EPM2A: variants seen among roughly 807,000 people sequenced by gnomAD.
The protein encoded by EPM2A is EPM2A glucan phosphatase, laforin.
Under a neutral mutation model 26.5 loss-of-function variants are expected in EPM2A, and 21 were observed. That is an observed-to-expected ratio of 0.79 (90% CI 0.56 to 1.14). The LOEUF (loss-of-function observed/expected upper bound fraction) is 1.14. EPM2A is among the 50% of genes most tolerant of loss of function. The probability of loss-of-function intolerance (pLI) is 0.00; values close to 1 mark genes in which losing one functional copy is unlikely to be tolerated. For synonymous variants in EPM2A, 217 were observed against 177.6 expected, an observed-to-expected ratio of 1.22 and a Z score of -1.76; for missense variants, 458 against 440.8, an observed-to-expected ratio of 1.04 and a Z score of -0.35.
At chr6:145,559,674 T>C (rs1308940296) in intron 2 of EPM2A, among the ~76,000 whole-genome samples, 5 of 32,332 alleles carry the variant, frequency 1.5e-4, no homozygotes, top group Admixed American at 1.0e-3. Context: ...ACTTTCTCCT[T>C]TTTTTTTTTT....
chr6:145,626,012 C>T lies in EPM2A; in HGVS notation c.*1404G>A. On this transcript the variant is annotated 3_prime_UTR_variant, in exon 4 of 4. Coordinates refer to ENST00000367519, the MANE Select transcript of EPM2A (RefSeq NM_005670.4). ...TAGACAGTTGAGTTAACCCTTCTGACCTTAGTTTCCCCATCTTTATCATGG... is the reference window on the plus strand; with the variant it reads ...TAGACAGTTGAGTTAACCCTTCTGATCTTAGTTTCCCCATCTTTATCATGG... 1 of 1,119,868 alleles carries T rather than the reference C, an allele frequency of 8.9e-7. No homozygotes were observed. Among genetic ancestry groups the T allele is most frequent in the Non-Finnish European group, 1.2e-6 (1 of 862,976 alleles). The allele number at this position is 1,119,868 out of a possible 1,614,324, so 69.4% of individuals were successfully genotyped here. A position where few individuals can be genotyped will look rare whatever the true frequency, so the allele number is the denominator to read the frequency against.
chr6:145,685,192 T>A (rs1780819244), intron 2 of EPM2A, among the ~76,000 whole-genome samples: 2 of 152,214 alleles, frequency 1.3e-5, no homozygotes, highest in Non-Finnish European at 2.9e-5. Context: ...TAATGTAAAT[T>A]CTATAAGCCT....
chr6:145,440,216 CAGG>C (rs976863807), intron 4 of EPM2A, among the ~76,000 whole-genome samples: 137 of 152,272 alleles, frequency 9.0e-4, no homozygotes, highest in African/African-American at 3.2e-3. Context: ...TGGTGGCAGA[CAGG>C]AGAAGAGAGA....
At chr6:145,690,399 A>G (rs1217966583) in intron 1 of EPM2A, among the ~76,000 whole-genome samples, 3 of 151,100 alleles carry the variant, frequency 2.0e-5, no homozygotes, top group African/African-American at 7.3e-5. Flanking sequence ...AGTCCCAGCT[A>G]CTCGGGAGGC....
chr6:145,485,859 T>G (rs1779664369), intron 4 of EPM2A, among the ~76,000 whole-genome samples: 1 of 152,134 alleles, frequency 6.6e-6, no homozygotes, highest in Non-Finnish European at 1.5e-5. Context: ...CAAGACAGAA[T>G]GAGAACCAAG....
At chr6:145,675,561 C>G (rs1779971863) in intron 2 of EPM2A, among the ~76,000 whole-genome samples, 1 of 152,110 alleles carries the variant, frequency 6.6e-6, no homozygotes, top group Non-Finnish European at 1.5e-5. Flanking sequence ...CAGAGATACA[C>G]ATAGGCTCAA....
At chr6:145,412,080 G>A (rs568489194) in intron 4 of EPM2A, among the ~76,000 whole-genome samples, 2 of 152,014 alleles carry the variant, frequency 1.3e-5, no homozygotes, top group South Asian at 2.1e-4. Context: ...GGCCGGGTGC[G>A]GTGGCAGACA....
chr6:145,571,812 T>A (rs1032810941), intron 2 of EPM2A, among the ~76,000 whole-genome samples: 5 of 152,164 alleles, frequency 3.3e-5, no homozygotes, highest in African/African-American at 1.2e-4. Flanking sequence ...ATGACAGGGG[T>A]GGCTGGAGAA....
chr6:145,678,043 A>G (rs1313050495), intron 2 of EPM2A, among the ~76,000 whole-genome samples: 2 of 152,230 alleles, frequency 1.3e-5, no homozygotes, highest in African/African-American at 2.4e-5. Context: ...ACAAGGCTAC[A>G]GTAACCAAAA....
chr6:145,599,382 G>GT (rs919286425), intron 2 of EPM2A, among the ~76,000 whole-genome samples: 11 of 151,534 alleles, frequency 7.3e-5, no homozygotes, highest in African/African-American at 1.9e-4. Context: ...ATACTCTAAA[G>GT]TTTTTTTTCT....
Position 145,427,700 on chromosome 6 carries a change from G to A in EPM2A, c.556-43603C>T, listed in dbSNP as rs370479692. Among the ~76,000 whole-genome samples, 11 of 152,144 alleles carry A rather than the reference G, an allele frequency of 7.2e-5. No individual in the cohort carries two copies. In the South Asian group the frequency reaches 2.3e-3, roughly 32 times the overall value. On this transcript the variant is annotated intron_variant, in intron 4 of 4. Transcript: ENST00000638717. ...TTAGCACAAGAAAAAAATGATGATG[G>A]CCCTTACTACTGTCTTCTCATCAGA...
chr6:145,679,206 C>T (rs1383347810), intron 2 of EPM2A, among the ~76,000 whole-genome samples: 2 of 132,228 alleles, frequency 1.5e-5, no homozygotes, highest in African/African-American at 2.9e-5. Flanking sequence ...GGGAATTGCA[C>T]AATGAGAACA....
rs534682171 is a variant in EPM2A, at chr6:145,438,752, G to A, written c.556-54655C>T. Among the ~76,000 whole-genome samples the A allele has an allele frequency of 7.9e-5, 12 of 152,232 alleles. No homozygotes were observed. In the South Asian group the frequency reaches 8.3e-4, roughly 11 times the overall value. ...CTCCCAAAGTGCTGGGATTACAGGC[G>A]TGAGCCATTGCACTCGGCCAAGGAT... On this transcript the variant is annotated intron_variant, in intron 4 of 4. Transcript: ENST00000638717.
chr6:145,589,023 G>A lies in EPM2A; in HGVS notation c.340+46222C>T, dbSNP rs566265107. On this transcript the variant is annotated intron_variant, in intron 2 of 3. Transcript: ENST00000450221. Reference sequence around the variant, plus strand: ...AGGAAAAGTGGAAAATAAAGGAACTGATAACTAGGAAAAGGCCCTGCCCCA... The same window carrying A: ...AGGAAAAGTGGAAAATAAAGGAACTAATAACTAGGAAAAGGCCCTGCCCCA... 1.2e-3 allele frequency among the ~76,000 whole-genome samples: 189 copies of A among 152,292 alleles called. 1 individual carries two copies. Among genetic ancestry groups the A allele is most frequent in the African/African-American group, 4.2e-3 (176 of 41,570 alleles).
At position 145,452,672 on chromosome 6, in the gene EPM2A, G is replaced by C. The variant is rs574779386; in HGVS notation, c.555+49850C>G. Among the ~76,000 whole-genome samples, 517 of 95,206 alleles carry C rather than the reference G, an allele frequency of 5.4e-3. 3 individuals carry two copies. Among genetic ancestry groups the C allele is most frequent in the Middle Eastern group, 0.011 (2 of 188 alleles). The allele number at this position is 95,206 out of a possible 152,430, so 62.5% of individuals were successfully genotyped here. ...CCACTGCACTCCCGCCTGGGCAACA[G>C]AGCAAGACTCTGTCTCAAAAAAAAA... On this transcript the variant is annotated intron_variant, in intron 4 of 4. Coordinates refer to the EPM2A transcript ENST00000638717.
intron 2 of EPM2A, among the ~76,000 whole-genome samples, chr6:145,663,853 C>G (rs1778941758): frequency 1.1e-5 from 1 of 89,914 alleles, no homozygotes; most frequent in Non-Finnish European, 2.2e-5. Flanking sequence ...GAGTGGGGGC[C>G]AACATTCAAC....
At chr6:145,512,943 G>C (rs1780076195) in intron 2 of EPM2A, among the ~76,000 whole-genome samples, 1 of 151,760 alleles carries the variant, frequency 6.6e-6, no homozygotes, top group Admixed American at 6.6e-5. Context: ...CTAAACATAA[G>C]ACCTGAAACT....
At position 145,735,101 on chromosome 6, in the gene EPM2A, CCGGGGCCTG is replaced by C. The variant is rs560099488; in HGVS notation, c.301+88_301+96del. 3.8e-3 allele frequency: 3,267 copies of C among 851,360 alleles called. 73 individuals are homozygous for C. The East Asian group carries it at 0.062, about 16-fold the overall frequency. The allele number at this position is 851,360 out of a possible 1,614,324, so 52.7% of individuals were successfully genotyped here. On this transcript the variant is annotated intron_variant, in intron 1 of 3. Transcript: ENST00000367519. Reference sequence around the variant, plus strand: ...GGCAAAAAGCCCGGGACGCGCGCCGCCGGGGCCTGCGGGGCCTGCCCGAGGCCGAGGCCC... The same window carrying C: ...GGCAAAAAGCCCGGGACGCGCGCCGCCGGGGCCTGCCCGAGGCCGAGGCCC...
At chr6:145,709,474 C>T (rs1290200013) in intron 1 of EPM2A, among the ~76,000 whole-genome samples, 1 of 152,178 alleles carries the variant, frequency 6.6e-6, no homozygotes, top group African/African-American at 2.4e-5. Flanking sequence ...CCTGCACACA[C>T]TCTCTGGCCC....
Sources: allele counts gnomAD v4.1 joint callset (sites outside exome capture counted in the v4.1 genomes callset), GRCh38; gene constraint gnomAD v4.1.1; transcripts MANE v1.5; gene names NCBI Gene and HGNC (gene_info 2026-07-23, HGNC 2026-07-21).